The following FHL5 variants were observed in gnomAD, a reference collection of about 807,000 sequenced individuals.
FHL5 encodes the protein four and a half LIM domains protein 5.
Under a neutral mutation model 32.0 loss-of-function variants are expected in FHL5, and 33 were observed. The observed-to-expected ratio is 1.03, with a 90% confidence interval of 0.78 to 1.38. The LOEUF (loss-of-function observed/expected upper bound fraction) is 1.38, where lower values mean the gene tolerates loss of function less well. Among genes scored for constraint, FHL5 ranks in the 40% most tolerant of loss-of-function variants. The pLI, the probability that FHL5 is intolerant of heterozygous loss-of-function variation, is 0.00. For missense variants in FHL5, 336 were observed against 343.9 expected (o/e 0.98, Z 0.18); for synonymous variants, 114 against 113.6 (o/e 1.00, Z -0.02).
intron 1 of FHL5, among the ~76,000 whole-genome samples, chr6:96,567,911 A>G (rs555724031): frequency 4.2e-4 from 51 of 120,624 alleles, no homozygotes; most frequent in African/African-American, 1.6e-3. Context: ...ATGATTTTCT[A>G]TATAGAAGCT....
chr6:96,580,212 T>C (rs1399662553), intron 1 of FHL5, among the ~76,000 whole-genome samples: 1 of 152,208 alleles, frequency 6.6e-6, no homozygotes, highest in Non-Finnish European at 1.5e-5. Flanking sequence ...TTCTTGGCCT[T>C]GAGCCATCAT....
rs761647267 is a variant in FHL5 at position 96,615,808 on chromosome 6, T to C, written c.*36T>C. 5 of 1,519,706 alleles carry C rather than the reference T, an allele frequency of 3.3e-6. No individual in the cohort carries two copies. The African/African-American group carries it at 7.0e-5, about 21-fold the overall frequency. The allele number at this position is 1,519,706 out of a possible 1,614,324, so 94.1% of individuals were successfully genotyped here. A position where few individuals can be genotyped will look rare whatever the true frequency, so the allele number is the denominator to read the frequency against. ...TTGCCCACCTAAAATCCATTTTGCC[T>C]TCGTTGTCACTAAAGCCAGAACTCA... is the stretch of plus-strand genomic sequence containing the variant. On this transcript the variant is annotated 3_prime_UTR_variant, in exon 6 of 6. Transcript: ENST00000450218.
At chr6:96,582,828 T>C (rs552468807) in intron 1 of FHL5, among the ~76,000 whole-genome samples, 1 of 152,286 alleles carries the variant, frequency 6.6e-6, no homozygotes, top group East Asian at 1.9e-4. Context: ...TTTTTTTAAG[T>C]AGCATTTGGG....
intron 1 of FHL5, among the ~76,000 whole-genome samples, chr6:96,570,846 CTTT>C (rs1770460618): frequency 6.6e-6 from 1 of 151,688 alleles, no homozygotes; most frequent in Non-Finnish European, 1.5e-5. Context: ...TTGTTTTGTT[CTTT>C]TTATGATTTT....
intron 1 of FHL5, among the ~76,000 whole-genome samples, chr6:96,584,735 G>A (rs948089776): frequency 5.9e-5 from 9 of 152,092 alleles, no homozygotes; most frequent in Non-Finnish European, 1.3e-4. Flanking sequence ...TCATGTAGTA[G>A]ACATGTGCTT....
chr6:96,606,191 GT>G, intron 4 of FHL5, 120 bp downstream of exon 4: 1 of 766,080 alleles, frequency 1.3e-6, no homozygotes, highest in East Asian at 2.8e-5. Context: ...ACCCATGGTA[GT>G]TTGGACTTTC....
chr6:96,604,715 C>A (rs1429537463), intron 2 of FHL5, 35 bp from the exon 3 acceptor site: 1 of 1,559,456 alleles, frequency 6.4e-7, no homozygotes, highest in Middle Eastern at 1.7e-4. Flanking sequence ...ATTGTCACAA[C>A]CACATTTAAT....
At chr6:96,572,404 C>T (rs1770498431) in intron 1 of FHL5, among the ~76,000 whole-genome samples, 1 of 152,036 alleles carries the variant, frequency 6.6e-6, no homozygotes, top group African/African-American at 2.4e-5. Flanking sequence ...GTTGGTAGAG[C>T]AATTCCACCT....
chr6:96,566,879 G>A (rs1770369473), intron 1 of FHL5, among the ~76,000 whole-genome samples: 1 of 151,728 alleles, frequency 6.6e-6, no homozygotes, highest in African/African-American at 2.4e-5. Flanking sequence ...TTTATATTAT[G>A]AATATTAAAC....
chr6:96,604,814 C>T lies in FHL5; in HGVS notation c.224C>T (p.Ser75Phe). 6.2e-7 allele frequency: 1 copy of T among 1,613,954 alleles called. No homozygotes were observed. The highest frequency in any genetic ancestry group is 8.5e-7 in the Non-Finnish European group (1 of 1,179,788). Residue 75 changes from serine (S) to phenylalanine (F), a missense_variant, in exon 3 of 6, where the codon TCT becomes TTT. Physicochemically the swap from Ser to Phe is radical, Grantham distance 155 (BLOSUM62 -2). Coordinates refer to ENST00000450218, the MANE Select transcript of FHL5 (RefSeq NM_001322466.2). The stretch of plus-strand genomic sequence containing the variant: ...TTCAAGTGCACCAAATGCAATCACT[C>T]TTTGGTGGAAAAGCCTTTTGCTGCC... ...GCFKCTKCNHSLVEKPFAAKD... is the reference protein window; with the variant it reads ...GCFKCTKCNHFLVEKPFAAKD...
chr6:96,602,981 A>C (rs1022975503), intron 1 of FHL5, among the ~76,000 whole-genome samples: 1 of 152,162 alleles, frequency 6.6e-6, no homozygotes, highest in Non-Finnish European at 1.5e-5. Context: ...GCTAGCAGAA[A>C]ACAGAGATTT....
rs1226889810 is a variant in FHL5 at position 96,610,571 on chromosome 6, G to A, written c.505-1G>A. The A allele has an allele frequency of 8.7e-6, 14 of 1,612,098 alleles. No homozygotes were observed. The highest frequency in any genetic ancestry group is 1.3e-5 in the African/African-American group (1 of 74,888). On this transcript the variant is annotated splice_acceptor_variant, in intron 4 of 5. Transcript: ENST00000450218. LOFTEE classifies it high-confidence loss of function. ...ATTGCCTTTTCTGTGGTCTTTGGCA[G>A]GTGATAACTTCAGGTGGGATAACAT...
At chr6:96,586,559 G>A (rs1770801168) in intron 1 of FHL5, among the ~76,000 whole-genome samples, 2 of 152,254 alleles carry the variant, frequency 1.3e-5, no homozygotes, top group East Asian at 3.9e-4. Context: ...TATACTTTAT[G>A]TAAAGATAAT....
intron 1 of FHL5, among the ~76,000 whole-genome samples, chr6:96,594,958 T>G (rs1385194282): frequency 6.6e-6 from 1 of 152,010 alleles, no homozygotes; most frequent in Non-Finnish European, 1.5e-5. Context: ...TACATTAGTA[T>G]TATTATGTGT....
chr6:96,605,774 A>G (rs1340743588), intron 3 of FHL5, 128 bp from the exon 4 acceptor site: 3 of 788,290 alleles, frequency 3.8e-6, no homozygotes, highest in Non-Finnish European at 5.8e-6. Flanking sequence ...AAAAAATACT[A>G]TTTTTCTAAA....
At chr6:96,609,770 G>A (rs1201289212) in intron 4 of FHL5, among the ~76,000 whole-genome samples, 8 of 152,154 alleles carry the variant, frequency 5.3e-5, no homozygotes, top group Admixed American at 4.6e-4. Flanking sequence ...TGGCACTGAT[G>A]GTGATGCACA....
chr6:96,592,372 C>A (rs7741426), intron 1 of FHL5, among the ~76,000 whole-genome samples: 4,374 of 152,248 alleles, frequency 0.029, 183 homozygotes, highest in African/African-American at 0.1. Flanking sequence ...TCTGTTCCGC[C>A]CAGCTCACTG....
chr6:96,563,957 T>C (rs1387907859), intron 1 of FHL5, among the ~76,000 whole-genome samples: 2 of 152,160 alleles, frequency 1.3e-5, no homozygotes, highest in Non-Finnish European at 2.9e-5. Flanking sequence ...TATAATAGAC[T>C]ATATCAATCT....
At chr6:96,603,524 CATTAT>C in intron 1 of FHL5, 73 bp from the exon 2 acceptor site, 1 of 1,032,700 alleles carries the variant, frequency 9.7e-7, no homozygotes, top group Non-Finnish European at 1.4e-6. Context: ...GCTTCACTCA[CATTAT>C]ATTAAGGTTT....
Sources: gnomAD v4.1 joint callset for allele counts (sites outside exome capture counted in the v4.1 genomes callset) on GRCh38, gnomAD v4.1.1 for gene constraint, MANE v1.5 for transcripts, NCBI Gene and HGNC (gene_info 2026-07-23, HGNC 2026-07-21) for gene names.